Variants in MOV10 observed in about 807,000 individuals in gnomAD.
The protein encoded by MOV10 is Mov10 RNA helicase.
Under a neutral mutation model 108.4 loss-of-function variants are expected in MOV10, and 39 were observed. The observed-to-expected ratio is 0.36, with a 90% CI of 0.28 to 0.47. MOV10 has a LOEUF of 0.47. MOV10 is among the 20% of genes least tolerant of loss of function. The pLI, the probability that MOV10 is intolerant of heterozygous loss-of-function variation, is 1.00. For synonymous variants in MOV10, 490 were observed against 523.1 expected (o/e 0.94, Z 0.86); for missense variants, 952 against 1,297.6 (o/e 0.73, Z 4.09).
intron 5 of MOV10, among the ~76,000 whole-genome samples, chr1:112,691,270 G>A (rs1384958392): frequency 6.6e-6 from 1 of 152,134 alleles, no homozygotes; most frequent in Non-Finnish European, 1.5e-5. Flanking sequence ...GGGCAACAGA[G>A]TGGGACTCAA....
intron 16 of MOV10, 113 bp from the exon 17 acceptor site, chr1:112,698,602 C>T (rs1674334415): frequency 1.4e-6 from 2 of 1,438,304 alleles, no homozygotes; most frequent in Non-Finnish European, 1.9e-6. Flanking sequence ...CTCAGAAGAG[C>T]ACCAAGGTCA....
At position 112,696,355 on chromosome 1, in the gene MOV10, C is replaced by T; in HGVS notation, c.1884-82C>T. Reference sequence around the variant, plus strand: ...GGTTTCCGGAGTGGGGTGGTGGGTGCTGAGAAGCCAGCCTGGGAAAGCATT... The same window carrying T: ...GGTTTCCGGAGTGGGGTGGTGGGTGTTGAGAAGCCAGCCTGGGAAAGCATT... On this transcript the variant is annotated intron_variant, in intron 12 of 20. Transcript: ENST00000369645. 4 of 1,433,074 alleles carry T rather than the reference C, an allele frequency of 2.8e-6. No individual in the cohort carries two copies. The South Asian group carries it at 3.4e-5, about 12-fold the overall frequency. 88.8% of individuals were successfully genotyped at this position (1,433,074 alleles called of 1,614,324 possible).
In MOV10 at chr1:112,694,717, C is replaced by T; in HGVS notation, c.1473-32C>T. 1 of 1,609,054 alleles carries T rather than the reference C, an allele frequency of 6.2e-7. No homozygotes were observed. Among genetic ancestry groups the T allele is most frequent in the Non-Finnish European group, 8.5e-7 (1 of 1,176,506 alleles). On this transcript the variant is annotated intron_variant, in intron 9 of 20. Coordinates refer to ENST00000369645, the MANE Select transcript of MOV10 (RefSeq NM_001321324.2). The surrounding 1 kb of genome is among the most constrained non-coding windows in gnomAD (Gnocchi z 4.1). ...GGGAGGCCTCTGGGTCACTGGATGACTTCAAGTTCACATTCCTGGTCCCTC... is the reference window on the plus strand; with the variant it reads ...GGGAGGCCTCTGGGTCACTGGATGATTTCAAGTTCACATTCCTGGTCCCTC...
At chr1:112,699,864 TCC>T in intron 18 of MOV10, 28 bp from the exon 19 acceptor site, 1 of 1,614,042 alleles carries the variant, frequency 6.2e-7, no homozygotes. Flanking sequence ...GGCTCTTCCC[TCC>T]CATGACCACA....
chr1:112,697,870 G>A, intron 14 of MOV10, 124 bp from the exon 15 acceptor site: 2 of 758,632 alleles, frequency 2.6e-6, no homozygotes, highest in Admixed American at 3.9e-5. Context: ...GGAGTGTCCT[G>A]CTATCCAGGG....
intron 2 of MOV10, among the ~76,000 whole-genome samples, chr1:112,678,510 A>G (rs149171845): frequency 1.3e-3 from 191 of 152,238 alleles, no homozygotes; most frequent in African/African-American, 4.3e-3. Flanking sequence ...TCCAGTATGC[A>G]TTGAGAGTAT....
In MOV10 at chr1:112,675,944, G is replaced by T. The variant is rs1028360661; in HGVS notation, c.137+895G>T. Among the ~76,000 whole-genome samples, 2 of 152,204 alleles carry T rather than the reference G, an allele frequency of 1.3e-5. No homozygotes were observed. The highest frequency in any genetic ancestry group is 6.5e-5 in the Admixed American group (1 of 15,286). On this transcript the variant is annotated intron_variant, in intron 2 of 20. Coordinates refer to ENST00000369645, the MANE Select transcript of MOV10 (RefSeq NM_001321324.2). The surrounding 1 kb of genome is among the most constrained non-coding windows in gnomAD (Gnocchi z 4.7). ...AGACCTTGGGTTTTAGCAGACCAGA[G>T]GGCCAGTATGGGTGAGATATGGCTG...
At chr1:112,693,457 A>T (rs772337542) in intron 7 of MOV10, among the ~76,000 whole-genome samples, 6 of 152,048 alleles carry the variant, frequency 3.9e-5, no homozygotes, top group Non-Finnish European at 8.8e-5. Context: ...GCTCGCTTTA[A>T]TCCCCGCCGC....
At position 112,695,497 on chromosome 1, in the gene MOV10, C is replaced by A. The variant is rs140221891; in HGVS notation, c.1702C>A (p.Arg568=). 21 of 1,614,052 alleles carry A rather than the reference C, an allele frequency of 1.3e-5. No individual in the cohort carries two copies. In the African/African-American group the frequency reaches 2.3e-4, roughly 17 times the overall value. The change falls in exon 11 of 21, where the codon CGG becomes AGG. Residue 568 remains arginine (R), a synonymous_variant. Coordinates refer to ENST00000369645, the MANE Select transcript of MOV10 (RefSeq NM_001321324.2). Reference sequence around the variant, plus strand: ...GGCTGACCTACTCTGTCAAAGGCTCCGGGTCCACCTTCCTAGCTCCATCTA... The same window carrying A: ...GGCTGACCTACTCTGTCAAAGGCTCAGGGTCCACCTTCCTAGCTCCATCTA... ...SGADLLCQRL[R]VHLPSSIYRL... is the part of the protein sequence containing the mutation.
chr1:112,681,900 GT>G (rs751683438), intron 2 of MOV10, among the ~76,000 whole-genome samples: 328 of 139,294 alleles, frequency 2.4e-3, no homozygotes, highest in East Asian at 2.7e-3. Context: ...TTGTTTATGG[GT>G]TTTTTTTTTT....
intron 14 of MOV10, 37 bp downstream of exon 14, chr1:112,696,883 T>C (rs76824778): frequency 0.033 from 49,251 of 1,511,250 alleles, 1,098 homozygotes; most frequent in Non-Finnish European, 0.036. Context: ...CCATATCCTA[T>C]GCTTTCACAT....
Position 112,700,201 on chromosome 1 carries a change from C to T in MOV10, c.2799-18C>T, listed in dbSNP as rs776383492. On this transcript the variant is annotated intron_variant, in intron 19 of 20. Transcript: ENST00000369645. ...GCTTAGCCTCCAGTCTCTGCTGGCA[C>T]TCCTCTGTACCCCACAGATTCCTGG... is the stretch of plus-strand genomic sequence containing the variant. 1.6e-5 allele frequency: 26 copies of T among 1,613,792 alleles called. No homozygotes were observed. In the South Asian group the frequency reaches 2.7e-4, roughly 17 times the overall value.
intron 11 of MOV10, 96 bp from the exon 12 acceptor site, chr1:112,696,052 T>A (rs1282995116): frequency 1.2e-6 from 1 of 836,352 alleles, no homozygotes; most frequent in African/African-American, 1.7e-5. Context: ...TTAAAAAAAA[T>A]AAAAATAATT....
At chr1:112,687,259 C>G (rs139633270) in intron 2 of MOV10, among the ~76,000 whole-genome samples, 369 of 152,286 alleles carry the variant, frequency 2.4e-3, no homozygotes, top group African/African-American at 8.2e-3. Flanking sequence ...ATAGCCAATT[C>G]AATGTTTTCC....
rs767274876 is a variant in MOV10 at position 112,697,949 on chromosome 1, G to A, written c.2199-45G>A. 5.2e-6 allele frequency: 8 copies of A among 1,531,532 alleles called. No homozygotes were observed. The South Asian group carries it at 5.6e-5, about 11-fold the overall frequency. 94.9% of individuals were successfully genotyped at this position (1,531,532 alleles called of 1,614,324 possible). A position where few individuals can be genotyped will look rare whatever the true frequency, so the allele number is the denominator to read the frequency against. On this transcript the variant is annotated intron_variant, in intron 14 of 20. Transcript: ENST00000369645. ...TAGAGCGGAGCCCCTGTAGGGCAGA[G>A]GGAATCTGACCCTTGGTCTTGCTTT...
chr1:112,695,869 G>T (rs1243685823), intron 11 of MOV10, among the ~76,000 whole-genome samples: 4 of 152,056 alleles, frequency 2.6e-5, no homozygotes, highest in African/African-American at 9.7e-5. Flanking sequence ...GCAAAATCCC[G>T]TCTCTACTAA....
chr1:112,679,274 C>T (rs574395192), intron 2 of MOV10, among the ~76,000 whole-genome samples: 25 of 152,154 alleles, frequency 1.6e-4, no homozygotes, highest in African/African-American at 5.8e-4. Context: ...CACAGTGATA[C>T]AAGTAGTTGG....
At chr1:112,698,572 G>C in intron 16 of MOV10, 94 bp downstream of exon 16, 2 of 1,450,852 alleles carry the variant, frequency 1.4e-6, no homozygotes, top group Non-Finnish European at 1.9e-6. Flanking sequence ...CAGGAGCTTA[G>C]GCCTCTGCTG....
chr1:112,685,959 A>G (rs1354567681), intron 2 of MOV10, among the ~76,000 whole-genome samples: 1 of 152,302 alleles, frequency 6.6e-6, no homozygotes, highest in Non-Finnish European at 1.5e-5. Flanking sequence ...AGGAGGTTTC[A>G]TGTTAAAATT....
Sources: gnomAD v4.1 joint callset for allele counts (sites outside exome capture counted in the v4.1 genomes callset) on GRCh38, gnomAD v4.1.1 for gene constraint, Gnocchi (gnomAD v3.1) non-coding constraint, MANE v1.5 for transcripts, NCBI Gene and HGNC (gene_info 2026-07-23, HGNC 2026-07-21) for gene names.